Variants in PLCB1 observed in about 807,000 individuals in gnomAD.
PLCB1 encodes 1-phosphatidylinositol 4,5-bisphosphate phosphodiesterase beta-1.
A neutral mutation model predicts 161.8 loss-of-function variants in PLCB1; 46 were observed. That is an observed-to-expected ratio of 0.28 (90% CI 0.22 to 0.36). PLCB1 has a LOEUF of 0.36. Ranked by LOEUF, PLCB1 falls within the 10% of genes least tolerant of loss-of-function variation. PLCB1 has a pLI of 1.00. For missense variants in PLCB1, 1,016 were observed against 1,472.5 expected (o/e 0.69, Z 5.07); for synonymous variants, 517 against 503.7 (o/e 1.03, Z -0.35).
At chr20:8,531,830 T>C (rs1984828686) in intron 3 of PLCB1, among the ~76,000 whole-genome samples, 1 of 152,094 alleles carries the variant, frequency 6.6e-6, no homozygotes, top group Non-Finnish European at 1.5e-5. Flanking sequence ...AAATAAAAAA[T>C]TGTTTCCACT....
intron 3 of PLCB1, among the ~76,000 whole-genome samples, chr20:8,486,479 A>ATTT (rs1491133431): frequency 3.7e-4 from 36 of 97,608 alleles, no homozygotes; most frequent in African/African-American, 6.5e-4. Context: ...TTATTCCAAA[A>ATTT]TATTTTTTTT....
intron 23 of PLCB1, among the ~76,000 whole-genome samples, chr20:8,746,121 G>A (rs759083219): frequency 1.3e-5 from 2 of 152,034 alleles, no homozygotes; most frequent in South Asian, 2.1e-4. Context: ...TAGTAGAGAC[G>A]GGGTTTCACC....
intron 23 of PLCB1, chr20:8,750,933 C>CATTT: frequency 2.4e-6 from 1 of 411,352 alleles, no homozygotes. Flanking sequence ...GAACTGCACT[C>CATTT]TTTTTTTTTT....
intron 18 of PLCB1, among the ~76,000 whole-genome samples, chr20:8,731,855 AGTTAT>A (rs1292045459): frequency 1.3e-5 from 2 of 150,222 alleles, no homozygotes; most frequent in Admixed American, 1.4e-4. Flanking sequence ...TTGACATCAT[AGTTAT>A]GTTTATAAAA....
chr20:8,395,819 T>TAA (rs895673125), intron 3 of PLCB1, among the ~76,000 whole-genome samples: 1 of 147,868 alleles, frequency 6.8e-6, no homozygotes, highest in African/African-American at 2.5e-5. Context: ...TTTCCCATTT[T>TAA]AAAAAAAAAA....
At chr20:8,189,639 T>G (rs2123106508) in intron 2 of PLCB1, among the ~76,000 whole-genome samples, 1 of 152,194 alleles carries the variant, frequency 6.6e-6, no homozygotes, top group South Asian at 2.1e-4. Flanking sequence ...ATTACAAAAT[T>G]TGTCAAAACT....
At chr20:8,425,923 GT>G (rs1480724651) in intron 3 of PLCB1, among the ~76,000 whole-genome samples, 1 of 152,072 alleles carries the variant, frequency 6.6e-6, no homozygotes, top group African/African-American at 2.4e-5. Context: ...CTTCTGTGCT[GT>G]TTTTGAAACT....
At chr20:8,872,141 C>A (rs1413866128) in intron 31 of PLCB1, among the ~76,000 whole-genome samples, 1 of 152,000 alleles carries the variant, frequency 6.6e-6, no homozygotes, top group Non-Finnish European at 1.5e-5. Flanking sequence ...GGTTCTATTG[C>A]TAGTTGGTAT....
intron 18 of PLCB1, among the ~76,000 whole-genome samples, chr20:8,732,323 T>C (rs148773120): frequency 2.3e-3 from 346 of 152,196 alleles, no homozygotes; most frequent in African/African-American, 7.8e-3. Flanking sequence ...TTAAGCTTTC[T>C]GAAGGGCATT....
chr20:8,306,857 G>C (rs1392215418), intron 2 of PLCB1, among the ~76,000 whole-genome samples: 1 of 152,210 alleles, frequency 6.6e-6, no homozygotes, highest in Non-Finnish European at 1.5e-5. Flanking sequence ...AAGAGCTGCT[G>C]CTGCCATTTA....
intron 2 of PLCB1, among the ~76,000 whole-genome samples, chr20:8,309,177 C>T (rs1984276181): frequency 6.6e-6 from 1 of 152,138 alleles, no homozygotes; most frequent in South Asian, 2.1e-4. Flanking sequence ...CCATGGCTTT[C>T]TTTCTGAGGA....
chr20:8,644,228 A>G (rs1435315843), intron 4 of PLCB1, among the ~76,000 whole-genome samples: 1 of 150,860 alleles, frequency 6.6e-6, no homozygotes, highest in East Asian at 2.0e-4. Context: ...CCGTCTGGGA[A>G]GTGAGGAGCG....
At chr20:8,587,939 G>GT (rs917611748) in intron 3 of PLCB1, among the ~76,000 whole-genome samples, 5 of 152,152 alleles carry the variant, frequency 3.3e-5, no homozygotes. Context: ...TTTTGAAATT[G>GT]TAAGATTTCA....
intron 2 of PLCB1, among the ~76,000 whole-genome samples, chr20:8,343,496 C>T (rs970860024): frequency 3.9e-5 from 6 of 152,062 alleles, no homozygotes; most frequent in East Asian, 1.9e-4. Context: ...TGTAGTAGCC[C>T]GTGACTTCTC....
chr20:8,803,841 T>C (rs2146242395), intron 31 of PLCB1, among the ~76,000 whole-genome samples: 1 of 152,188 alleles, frequency 6.6e-6, no homozygotes, highest in African/African-American at 2.4e-5. Context: ...TTGCCCAGGC[T>C]GGAGTGGAAT....
intron 2 of PLCB1, among the ~76,000 whole-genome samples, chr20:8,335,399 A>G (rs1985534812): frequency 6.6e-6 from 1 of 152,206 alleles, no homozygotes; most frequent in Non-Finnish European, 1.5e-5. Context: ...CAATTTTAAC[A>G]CAAAGTCCTA....
chr20:8,382,175 A>G (rs1987274117), intron 3 of PLCB1, among the ~76,000 whole-genome samples: 1 of 152,034 alleles, frequency 6.6e-6, no homozygotes, highest in South Asian at 2.1e-4. Context: ...CATTGGTTTC[A>G]AAGAACTTCT....
chr20:8,717,587 A>G lies in PLCB1; in HGVS notation c.1336-84A>G, dbSNP rs1979391561. 8.8e-6 allele frequency: 9 copies of G among 1,021,394 alleles called. No individual in the cohort carries two copies. In the Admixed American group the frequency reaches 1.9e-4, roughly 22 times the overall value. The allele number at this position is 1,021,394 out of a possible 1,614,324, so 63.3% of individuals were successfully genotyped here. ...TAGGGAAGAAGTCTAGACATTTGGT[A>G]TCCACAGCTGATCTGGGGGTCTGGG... is the stretch of plus-strand genomic sequence containing the variant. On this transcript the variant is annotated intron_variant, in intron 13 of 31. Coordinates refer to ENST00000338037, the MANE Select transcript of PLCB1 (RefSeq NM_015192.4).
chr20:8,541,597 A>AAAGAAAGAAAGAAAGAAAGAAAGAAAGG (rs1568500404), intron 3 of PLCB1, among the ~76,000 whole-genome samples: 33 of 151,598 alleles, frequency 2.2e-4, no homozygotes, highest in Admixed American at 3.3e-4. Context: ...AGAAAGAAAG[A>AAAGAAAGAAAGAAAGAAAGAAAGAAAGG]AAGAAAGAAA....
Sources: gnomAD v4.1 joint callset for allele counts (sites outside exome capture counted in the v4.1 genomes callset) on GRCh38, gnomAD v4.1.1 for gene constraint, MANE v1.5 for transcripts, NCBI Gene and HGNC (gene_info 2026-07-23, HGNC 2026-07-21) for gene names.